The following C2CD3 variants were observed in gnomAD, a reference collection of about 807,000 sequenced individuals.
C2CD3 encodes C2 domain-containing protein 3.
Under a neutral mutation model 234.0 loss-of-function variants are expected in C2CD3, and 148 were observed. That is an observed-to-expected ratio of 0.63 (90% confidence interval 0.55 to 0.72). The LOEUF (loss-of-function observed/expected upper bound fraction) is 0.72, where lower values mean the gene tolerates loss of function less well. Ranked by LOEUF, C2CD3 falls within the 30% of genes least tolerant of loss-of-function variation. The pLI is 0.00. For missense variants in C2CD3, 2,577 were observed against 2,811.5 expected (o/e 0.92, Z 1.89); for synonymous variants, 1,000 against 1,035.4 (o/e 0.97, Z 0.66).
chr11:74,067,961 T>C (rs755067221), intron 24 of C2CD3, among the ~76,000 whole-genome samples: 1 of 152,156 alleles, frequency 6.6e-6, no homozygotes, highest in Non-Finnish European at 1.5e-5. Flanking sequence ...TGTAGAGACA[T>C]TGTGTTTTTT....
intron 1 of C2CD3, among the ~76,000 whole-genome samples, chr11:74,170,043 C>G (rs191047112): frequency 1.4e-4 from 21 of 152,284 alleles, no homozygotes; most frequent in African/African-American, 4.3e-4. Flanking sequence ...CCTAGGTTGA[C>G]TGTTCTCACT....
rs748986144 is a variant in C2CD3 at position 74,123,082 on chromosome 11, G to C, written c.1271C>G (p.Ser424Cys). Residue 424 changes from serine (S) to cysteine (C), a missense_variant, in exon 8 of 33, where the codon TCC (serine) becomes TGC (cysteine). By Grantham distance (112) the Ser-to-Cys change is moderately radical. Transcript: ENST00000334126. ...FWDGLGSPPD[S>C]PSPGSDVYCI... is the part of the protein sequence containing the mutation. ...ATACACATCACTCCCAGGAGATGGGGAATCTGGAGGAGAGCCTAGCCCATC... is the reference window on the plus strand; with the variant it reads ...ATACACATCACTCCCAGGAGATGGGCAATCTGGAGGAGAGCCTAGCCCATC... 17 of 1,612,230 alleles carry C rather than the reference G, an allele frequency of 1.1e-5. No homozygotes were observed. Among genetic ancestry groups the C allele is most frequent in the Non-Finnish European group, 1.4e-5 (17 of 1,178,276 alleles).
rs769787501 is a variant in C2CD3, at chr11:74,092,409, C to A, written c.3517+7G>T. 6.2e-7 allele frequency: 1 copy of A among 1,610,932 alleles called. No homozygotes were observed. Among genetic ancestry groups the A allele is most frequent in the South Asian group, 1.1e-5 (1 of 90,828 alleles). On this transcript the variant is annotated splice_region_variant and intron_variant, in intron 19 of 32. Transcript: ENST00000334126. ...TGAAAGAAAAAGACAAACTTGTTTT[C>A]AATTACCTGATGACTGGTTCCTCAA...
intron 31 of C2CD3, among the ~76,000 whole-genome samples, chr11:74,032,418 C>T (rs970745712): frequency 6.6e-6 from 1 of 152,024 alleles, no homozygotes; most frequent in African/African-American, 2.4e-5. Flanking sequence ...GTAGATGGTC[C>T]TAAGTGGTTT....
At chr11:74,028,263 A>G (rs934114093) in intron 32 of C2CD3, 24 bp downstream of exon 32, 105 of 1,457,210 alleles carry the variant, frequency 7.2e-5, no homozygotes, top group Non-Finnish European at 9.5e-5. Context: ...CTATAGAAGA[A>G]AGGTCAGTTG....
intron 29 of C2CD3, among the ~76,000 whole-genome samples, chr11:74,040,209 C>A (rs938920325): frequency 6.6e-6 from 1 of 152,062 alleles, no homozygotes; most frequent in East Asian, 1.9e-4. Flanking sequence ...CTAGGTTGTG[C>A]GCTCCTTATG....
At chr11:74,153,033 C>T (rs1478167337) in intron 3 of C2CD3, among the ~76,000 whole-genome samples, 1 of 152,030 alleles carries the variant, frequency 6.6e-6, no homozygotes, top group East Asian at 1.9e-4. Flanking sequence ...TGAGACCAGC[C>T]AGCCAACATA....
At chr11:74,112,172 T>C (rs1482297969) in intron 11 of C2CD3, among the ~76,000 whole-genome samples, 1 of 152,208 alleles carries the variant, frequency 6.6e-6, no homozygotes, top group Admixed American at 6.5e-5. Context: ...GGAAAAGTTA[T>C]TTGACTATGT....
At chr11:74,147,860 G>C (rs1590938443) in intron 3 of C2CD3, among the ~76,000 whole-genome samples, 1 of 152,244 alleles carries the variant, frequency 6.6e-6, no homozygotes, top group Non-Finnish European at 1.5e-5. Context: ...TAAAATTGTA[G>C]AGCTAAAGAC....
intron 24 of C2CD3, among the ~76,000 whole-genome samples, chr11:74,071,671 C>T (rs959816824): frequency 6.6e-6 from 1 of 152,196 alleles, no homozygotes; most frequent in Non-Finnish European, 1.5e-5. Flanking sequence ...AGAGGTATTT[C>T]AGATTTTGTA....
chr11:74,089,691 T>C (rs1210035042), intron 20 of C2CD3, among the ~76,000 whole-genome samples: 1 of 152,156 alleles, frequency 6.6e-6, no homozygotes. Context: ...ATGCTAGAAC[T>C]ATGCTAGGAG....
chr11:74,141,549 G>A (rs541162323), intron 3 of C2CD3, among the ~76,000 whole-genome samples: 1 of 152,172 alleles, frequency 6.6e-6, no homozygotes, highest in Non-Finnish European at 1.5e-5. Flanking sequence ...TCATAGGCCT[G>A]TACTGCCATT....
At chr11:74,111,775 A>AGATTTTTTTGC (rs2135507209) in intron 11 of C2CD3, among the ~76,000 whole-genome samples, 1 of 152,130 alleles carries the variant, frequency 6.6e-6, no homozygotes, top group South Asian at 2.1e-4. Flanking sequence ...AAACACTGTA[A>AGATTTTTTTGC]GATTTTTTTG....
At chr11:74,112,304 A>C (rs1956777860) in intron 11 of C2CD3, among the ~76,000 whole-genome samples, 1 of 152,182 alleles carries the variant, frequency 6.6e-6, no homozygotes, top group African/African-American at 2.4e-5. Flanking sequence ...TATCCTCAGA[A>C]TATATTAGAA....
At chr11:74,072,238 T>C (rs137997822) in intron 24 of C2CD3, among the ~76,000 whole-genome samples, 18 of 152,336 alleles carry the variant, frequency 1.2e-4, no homozygotes, top group Non-Finnish European at 1.6e-4. Flanking sequence ...GTTTCAAGGT[T>C]TCTGATACAC....
chr11:74,121,703 A>C (rs1011973184), intron 8 of C2CD3, among the ~76,000 whole-genome samples: 7 of 152,174 alleles, frequency 4.6e-5, no homozygotes, highest in Non-Finnish European at 8.8e-5. Context: ...CACAAAACAA[A>C]CAACCCCCCC....
chr11:74,166,332 A>C (rs1262340404), intron 2 of C2CD3, among the ~76,000 whole-genome samples: 2 of 150,810 alleles, frequency 1.3e-5, no homozygotes, highest in South Asian at 2.1e-4. Flanking sequence ...AAAAAAAAAA[A>C]AAACCATGTC....
chr11:74,144,686 A>G (rs1161121818), intron 3 of C2CD3, among the ~76,000 whole-genome samples: 1 of 152,106 alleles, frequency 6.6e-6, no homozygotes, highest in African/African-American at 2.4e-5. Flanking sequence ...TCCCACTTGT[A>G]AGTGAGAACG....
chr11:74,111,211 C>T (rs1208626189), intron 11 of C2CD3, among the ~76,000 whole-genome samples: 3 of 152,124 alleles, frequency 2.0e-5, no homozygotes, highest in African/African-American at 4.8e-5. Context: ...TTCCTCTTTA[C>T]GTCCTGATAT....
Sources: gnomAD v4.1 joint callset for allele counts (sites outside exome capture counted in the v4.1 genomes callset) on GRCh38, gnomAD v4.1.1 for gene constraint, MANE v1.5 for transcripts, NCBI Gene and HGNC (gene_info 2026-07-23, HGNC 2026-07-21) for gene names.